Variants in TENM1 observed in about 807,000 individuals in gnomAD.
TENM1 encodes the protein teneurin-1.
TENM1 carries 35 observed loss-of-function variants against 174.8 expected under a neutral mutation model. The ratio of observed to expected loss-of-function variants is 0.20; its 90% CI spans 0.15 to 0.27. The LOEUF (loss-of-function observed/expected upper bound fraction) is 0.27, where lower values mean the gene tolerates loss of function less well. TENM1 is among the 10% of genes least tolerant of loss of function. The probability of loss-of-function intolerance (pLI) is 1.00; values close to 1 mark genes in which losing one functional copy is unlikely to be tolerated. For synonymous variants in TENM1, 781 were observed against 798.7 expected, an observed-to-expected ratio of 0.98 and a Z score of 0.37; for missense variants, 1,633 against 2,130.1, an observed-to-expected ratio of 0.77 and a Z score of 4.59.
intron 11 of TENM1, among the ~76,000 whole-genome samples, chrX:124,624,961 C>T (rs2050602353): frequency 8.9e-6 from 1 of 111,815 alleles, no homozygotes; most frequent in South Asian, 3.7e-4. Flanking sequence ...ATGAAGGTAG[C>T]ATTTTACAGC....
upstream of TENM1, among the ~76,000 whole-genome samples, chrX:124,966,158 T>C (rs993831602): frequency 8.9e-6 from 1 of 111,733 alleles, no homozygotes; most frequent in African/African-American, 3.3e-5. Flanking sequence ...AGCCATCATA[T>C]CCCTCCTGGA....
chrX:124,955,246 T>C (rs775719173), intron 1 of TENM1, among the ~76,000 whole-genome samples: 1 of 111,099 alleles, frequency 9.0e-6, no homozygotes, highest in Non-Finnish European at 1.9e-5. Flanking sequence ...CCCCCAAGGA[T>C]ATTTTTTTTA....
intron 11 of TENM1, among the ~76,000 whole-genome samples, chrX:124,608,807 T>C (rs1223661333): frequency 1.9e-5 from 2 of 106,744 alleles, no homozygotes; most frequent in South Asian, 8.4e-4. Flanking sequence ...CATTTTAGGA[T>C]GCTTTATCAG....
chrX:124,662,953 C>T (rs1040333429), intron 6 of TENM1, among the ~76,000 whole-genome samples: 2 of 111,651 alleles, frequency 1.8e-5, no homozygotes, highest in African/African-American at 3.3e-5. Context: ...TTCCACAGTA[C>T]TTAGTACAGT....
chrX:125,009,806 G>A, the TENM1 span, among the ~76,000 whole-genome samples: 1 of 111,784 alleles, frequency 8.9e-6, no homozygotes, highest in Admixed American at 9.5e-5. Flanking sequence ...AATAGATGCA[G>A]AAAAGGCCTT....
At chrX:124,632,164 G>A (rs1481628471) in intron 11 of TENM1, among the ~76,000 whole-genome samples, 1 of 109,313 alleles carries the variant, frequency 9.1e-6, no homozygotes, top group Non-Finnish European at 1.9e-5. Flanking sequence ...GCCCGCCTTG[G>A]CCTCCCAAAG....
At chrX:124,509,301 T>C (rs1035929624) in intron 18 of TENM1, among the ~76,000 whole-genome samples, 1 of 110,588 alleles carries the variant, frequency 9.0e-6, no homozygotes, top group Non-Finnish European at 1.9e-5. Flanking sequence ...TTGGTAGCTA[T>C]TGAGAGATTT....
At chrX:125,004,078 A>G in the TENM1 span, among the ~76,000 whole-genome samples, 3 of 112,030 alleles carry the variant, frequency 2.7e-5, no homozygotes, top group Non-Finnish European at 5.6e-5. Context: ...CCACAATACT[A>G]ATGAGTAATG....
intron 3 of TENM1, among the ~76,000 whole-genome samples, chrX:124,870,037 T>C (rs982418796): frequency 4.5e-5 from 5 of 111,645 alleles, no homozygotes; most frequent in African/African-American, 1.6e-4. Context: ...CCATTCTCCA[T>C]GATGGACTTA....
chrX:124,718,703 G>A (rs1360708488), intron 4 of TENM1, among the ~76,000 whole-genome samples: 3 of 111,992 alleles, frequency 2.7e-5, no homozygotes, highest in African/African-American at 9.7e-5. Context: ...TAGGAGGAGG[G>A]AAAGATGGGA....
chrX:124,441,606 T>G (rs1235179313), intron 23 of TENM1, among the ~76,000 whole-genome samples: 3 of 111,903 alleles, frequency 2.7e-5, no homozygotes, highest in Non-Finnish European at 5.6e-5. Flanking sequence ...TTTGACTGAG[T>G]GCATGTGGCT....
intron 11 of TENM1, among the ~76,000 whole-genome samples, chrX:124,572,944 C>T (rs1311907486): frequency 9.0e-6 from 1 of 111,166 alleles, no homozygotes; most frequent in Non-Finnish European, 1.9e-5. Flanking sequence ...TCTGTACTAG[C>T]TCTATAAATT....
chrX:124,504,099 T>A (rs1159571665), intron 18 of TENM1, among the ~76,000 whole-genome samples: 2 of 111,683 alleles, frequency 1.8e-5, no homozygotes, highest in Admixed American at 1.9e-4. Flanking sequence ...GTAGGGCTGG[T>A]TTTTTACCAC....
At chrX:124,906,880 A>G (rs1462124409) in intron 1 of TENM1, among the ~76,000 whole-genome samples, 2 of 111,560 alleles carry the variant, frequency 1.8e-5, no homozygotes, top group East Asian at 5.6e-4. Flanking sequence ...ATATATAGTG[A>G]GGGAAAGCAG....
chrX:124,720,369 A>G (rs2053283227), intron 4 of TENM1, among the ~76,000 whole-genome samples: 1 of 112,318 alleles, frequency 8.9e-6, no homozygotes, highest in African/African-American at 3.2e-5. Context: ...ATTGTTTTCT[A>G]CTAATAATTC....
chrX:125,110,851 T>C, the TENM1 span, among the ~76,000 whole-genome samples: 1 of 111,768 alleles, frequency 8.9e-6, no homozygotes, highest in Non-Finnish European at 1.9e-5. Flanking sequence ...TGGAAATGCC[T>C]TAGAAGTCTT....
At chrX:125,081,965 G>A in the TENM1 span, among the ~76,000 whole-genome samples, 1 of 109,574 alleles carries the variant, frequency 9.1e-6, no homozygotes, top group African/African-American at 3.3e-5. Context: ...ACAGAGGGGA[G>A]TAATAAACAC....
chrX:124,639,926 C>T (rs2050970884), intron 11 of TENM1, among the ~76,000 whole-genome samples: 1 of 110,259 alleles, frequency 9.1e-6, no homozygotes, highest in African/African-American at 3.3e-5. Context: ...CCTTTGTAAC[C>T]TTTTTCTAAC....
intron 8 of TENM1, 135 bp downstream of exon 11, chrX:124,651,779 T>C: frequency 1.1e-6 from 1 of 931,323 alleles, no homozygotes; most frequent in Non-Finnish European, 1.4e-6. Flanking sequence ...ACTTTTATCA[T>C]AGTAACCTTT....
Sources: allele counts gnomAD v4.1 joint callset (sites outside exome capture counted in the v4.1 genomes callset), GRCh38; gene constraint gnomAD v4.1.1; transcripts MANE v1.5; gene names NCBI Gene and HGNC (gene_info 2026-07-23, HGNC 2026-07-21).